The following SUMF1 variants were observed in gnomAD, a reference collection of about 807,000 sequenced individuals.
SUMF1 encodes the protein formylglycine-generating enzyme.
In SUMF1, 48 loss-of-function variants were observed where a neutral mutation model predicts 47.6. The ratio of observed to expected loss-of-function variants is 1.01; its 90% confidence interval spans 0.80 to 1.28. SUMF1 has a LOEUF of 1.28. Ranked by LOEUF, SUMF1 falls within the 50% of genes most tolerant of loss-of-function variation. The pLI is 0.00. For synonymous variants in SUMF1, 230 were observed against 192.1 expected, an observed-to-expected ratio of 1.20 and a Z score of -1.63; for missense variants, 571 against 485.4, an observed-to-expected ratio of 1.18 and a Z score of -1.66.
chr3:4,305,056 A>G (rs1698132909), intron 8 of SUMF1, among the ~76,000 whole-genome samples: 1 of 152,118 alleles, frequency 6.6e-6, no homozygotes, highest in African/African-American at 2.4e-5. Context: ...GTTTGTCTGA[A>G]GACCTGGGAT....
At position 4,239,149 on chromosome 3, in the gene SUMF1, C is replaced by T. The variant is rs560902591; in HGVS notation, c.1014+137181G>A. On this transcript the variant is annotated intron_variant and NMD_transcript_variant, in intron 8 of 12. Transcript: ENST00000448413. Reference sequence around the variant, plus strand: ...ATTGGTCTATATATCTGTTTTGGTACCCGTACCATGCTATTTTGGTTACTG... The same window carrying T: ...ATTGGTCTATATATCTGTTTTGGTATCCGTACCATGCTATTTTGGTTACTG... 1.5e-3 allele frequency among the ~76,000 whole-genome samples: 235 copies of T among 152,178 alleles called. 2 individuals carry two copies. The highest frequency in any genetic ancestry group is 2.5e-3 in the Admixed American group (38 of 15,280).
At chr3:4,213,867 A>C (rs1012866576) in intron 8 of SUMF1, among the ~76,000 whole-genome samples, 3 of 152,194 alleles carry the variant, frequency 2.0e-5, no homozygotes, top group African/African-American at 7.2e-5. Flanking sequence ...TAACTACCCT[A>C]AATATATATG....
At chr3:4,428,465 C>A (rs943622403) in intron 3 of SUMF1, among the ~76,000 whole-genome samples, 2 of 152,080 alleles carry the variant, frequency 1.3e-5, no homozygotes, top group African/African-American at 4.8e-5. Context: ...GCAATCCTCC[C>A]ACCTCAGCCT....
At chr3:4,283,249 T>C (rs1466758573) in intron 8 of SUMF1, among the ~76,000 whole-genome samples, 1 of 152,226 alleles carries the variant, frequency 6.6e-6, no homozygotes. Flanking sequence ...GAAAACCTTG[T>C]GAAAAGGAAT....
chr3:4,048,751 C>T (rs892448972), intron 9 of SUMF1, among the ~76,000 whole-genome samples: 6 of 152,152 alleles, frequency 3.9e-5, no homozygotes, highest in African/African-American at 1.2e-4. Context: ...TGAATAAATG[C>T]ACAAACCATG....
At chr3:4,061,323 T>C (rs939346017) in intron 9 of SUMF1, among the ~76,000 whole-genome samples, 5 of 152,144 alleles carry the variant, frequency 3.3e-5, no homozygotes, top group African/African-American at 1.2e-4. Flanking sequence ...CCAGATAGTA[T>C]TGAGGAACTA....
intron 8 of SUMF1, among the ~76,000 whole-genome samples, chr3:4,138,119 C>T (rs778320694): frequency 2.0e-5 from 3 of 151,928 alleles, no homozygotes; most frequent in East Asian, 1.9e-4. Context: ...GGGTCTTTTG[C>T]GATGAACATG....
intron 8 of SUMF1, among the ~76,000 whole-genome samples, chr3:4,373,557 G>A (rs1700232811): frequency 6.6e-6 from 1 of 152,022 alleles, no homozygotes; most frequent in Non-Finnish European, 1.5e-5. Context: ...ATTCGACCCT[G>A]TCTCTAAATT....
At chr3:4,375,259 A>G (rs1485787525) in intron 8 of SUMF1, among the ~76,000 whole-genome samples, 1 of 152,190 alleles carries the variant, frequency 6.6e-6, no homozygotes, top group East Asian at 1.9e-4. Context: ...TCACTGGATT[A>G]AAAATTCTAA....
intron 7 of SUMF1, among the ~76,000 whole-genome samples, chr3:4,380,984 G>A (rs1486750374): frequency 1.3e-5 from 2 of 152,168 alleles, no homozygotes; most frequent in Non-Finnish European, 2.9e-5. Flanking sequence ...TTTGGAGGAG[G>A]AATGAGTCTG....
chr3:4,109,713 G>C (rs186078971), intron 8 of SUMF1, among the ~76,000 whole-genome samples: 3 of 151,792 alleles, frequency 2.0e-5, no homozygotes, highest in Non-Finnish European at 4.4e-5. Flanking sequence ...CCAGTTGATC[G>C]CATCGGCTCC....
At chr3:4,251,260 G>T (rs1454162640) in intron 8 of SUMF1, among the ~76,000 whole-genome samples, 2 of 152,178 alleles carry the variant, frequency 1.3e-5, no homozygotes, top group African/African-American at 2.4e-5. Context: ...AATAGCAAAT[G>T]AACTAGAATT....
chr3:4,448,628 T>G (rs1702865144), intron 3 of SUMF1, among the ~76,000 whole-genome samples: 1 of 152,232 alleles, frequency 6.6e-6, no homozygotes, highest in Admixed American at 6.5e-5. Flanking sequence ...CTAAAATGTC[T>G]GGAACAAGAA....
rs369223613 is a variant in SUMF1, at chr3:4,435,664, A to G, written c.519+13602T>C. 1.1e-3 allele frequency among the ~76,000 whole-genome samples: 174 copies of G among 152,352 alleles called. 1 individual carries two copies. Among genetic ancestry groups the G allele is most frequent in the African/African-American group, 4.1e-3 (172 of 41,590 alleles). On this transcript the variant is annotated intron_variant, in intron 3 of 8. Coordinates refer to ENST00000272902, the MANE Select transcript of SUMF1 (RefSeq NM_182760.4). ...GGAAGACATAAAATAATGCCACAATACATGTAAGAGAAGTGTTTGAAATGA... is the reference window on the plus strand; with the variant it reads ...GGAAGACATAAAATAATGCCACAATGCATGTAAGAGAAGTGTTTGAAATGA...
At chr3:4,418,302 G>T (rs1300696402) in intron 4 of SUMF1, among the ~76,000 whole-genome samples, 170 bp from the exon 5 acceptor site, 1 of 152,202 alleles carries the variant, frequency 6.6e-6, no homozygotes, top group Admixed American at 6.5e-5. Flanking sequence ...TCCACCAACG[G>T]TTTCTGACAA....
intron 8 of SUMF1, among the ~76,000 whole-genome samples, chr3:4,105,807 A>T (rs1192245198): frequency 1.3e-5 from 2 of 152,098 alleles, no homozygotes; most frequent in African/African-American, 4.8e-5. Context: ...ATTCTTACAA[A>T]CTATTTTTAT....
At chr3:4,115,989 A>G (rs866380679) in intron 8 of SUMF1, among the ~76,000 whole-genome samples, 54 of 152,230 alleles carry the variant, frequency 3.5e-4, no homozygotes, top group African/African-American at 1.2e-3. Flanking sequence ...ACACAAATAA[A>G]TGAAAGTTAT....
At chr3:4,046,229 C>A (rs1407054076) in intron 9 of SUMF1, among the ~76,000 whole-genome samples, 1 of 152,100 alleles carries the variant, frequency 6.6e-6, no homozygotes, top group Non-Finnish European at 1.5e-5. Flanking sequence ...GAAGAAAGGA[C>A]CCCTGGCCCA....
At chr3:4,422,768 T>G (rs1360239519) in intron 3 of SUMF1, among the ~76,000 whole-genome samples, 2 of 142,396 alleles carry the variant, frequency 1.4e-5, no homozygotes, top group Non-Finnish European at 3.0e-5. Flanking sequence ...CTTTTCTTCC[T>G]TTTTTTTTTT....
Sources: gnomAD v4.1 joint callset for allele counts (sites outside exome capture counted in the v4.1 genomes callset) on GRCh38, gnomAD v4.1.1 for gene constraint, MANE v1.5 for transcripts, NCBI Gene and HGNC (gene_info 2026-07-23, HGNC 2026-07-21) for gene names.